Variants in MINDY4 observed in about 807,000 individuals in gnomAD.
MINDY4 encodes probable ubiquitin carboxyl-terminal hydrolase MINDY-4.
In MINDY4, 68 loss-of-function variants were observed where a neutral mutation model predicts 87.0. The ratio of observed to expected loss-of-function variants is 0.78; its 90% CI spans 0.64 to 0.96. The LOEUF is 0.96. Ranked by LOEUF, MINDY4 falls within the 40% of genes least tolerant of loss-of-function variation. The pLI is 0.00. For synonymous variants in MINDY4, 379 were observed against 363.2 expected, an observed-to-expected ratio of 1.04 and a Z score of -0.50; for missense variants, 919 against 928.2, an observed-to-expected ratio of 0.99 and a Z score of 0.13.
chr7:30,783,511 C>G (rs1021800388), intron 3 of MINDY4, among the ~76,000 whole-genome samples: 6 of 152,126 alleles, frequency 3.9e-5, no homozygotes, highest in Non-Finnish European at 5.9e-5. Context: ...TATTTATATC[C>G]TACTGCTCAA....
chr7:30,859,269 C>T lies in MINDY4; in HGVS notation c.1690C>T (p.Pro564Ser), dbSNP rs1789677129. The change falls in exon 13 of 18, where the codon CCC becomes TCC. Residue 564 changes from proline (P) to serine (S), a missense_variant. By Grantham distance (74) the Pro-to-Ser change is moderately conservative (BLOSUM62 -1). Coordinates refer to ENST00000265299, the MANE Select transcript of MINDY4 (RefSeq NM_032222.3). Reference sequence around the variant, plus strand: ...CTCCCCCTCCCAGTTTGAAGTGGGCCCCTATGGCTGCATCCTGCTCACCCT... The same window carrying T: ...CTCCCCCTCCCAGTTTGAAGTGGGCTCCTATGGCTGCATCCTGCTCACCCT... ...QQSIHQFEVG[P>S]YGCILLTLSA... 6.2e-7 allele frequency: 1 copy of T among 1,614,090 alleles called. No individual in the cohort carries two copies. The highest frequency in any genetic ancestry group is 8.5e-7 in the Non-Finnish European group (1 of 1,180,002).
At chr7:30,861,225 T>TA (rs1789754185) in intron 13 of MINDY4, among the ~76,000 whole-genome samples, 1 of 152,164 alleles carries the variant, frequency 6.6e-6, no homozygotes, top group Non-Finnish European at 1.5e-5. Context: ...GGCTTTGTCT[T>TA]ACACTGTGGC....
chr7:30,862,467 C>T (rs1380556381), intron 13 of MINDY4, among the ~76,000 whole-genome samples: 1 of 152,238 alleles, frequency 6.6e-6, no homozygotes, highest in Non-Finnish European at 1.5e-5. Flanking sequence ...CAGCGGCGCT[C>T]CCTGCATCCC....
chr7:30,884,705 C>G (rs1790577777), intron 17 of MINDY4, among the ~76,000 whole-genome samples: 2 of 152,224 alleles, frequency 1.3e-5, no homozygotes, highest in Admixed American at 1.3e-4. Flanking sequence ...TCTGGAGTAA[C>G]TCCTTTTTCT....
chr7:30,885,662 T>C (rs1026504687), intron 17 of MINDY4, among the ~76,000 whole-genome samples: 1 of 152,062 alleles, frequency 6.6e-6, no homozygotes, highest in African/African-American at 2.4e-5. Context: ...CTGATGCTGC[T>C]GGTCCCAGGA....
intron 9 of MINDY4, among the ~76,000 whole-genome samples, chr7:30,847,478 G>A (rs944061629): frequency 6.6e-6 from 1 of 152,134 alleles, no homozygotes; most frequent in East Asian, 1.9e-4. Context: ...AGGTGCCCAC[G>A]GCAGTTGGTT....
At chr7:30,891,779 C>T (rs1362507439) in intron 17 of MINDY4, among the ~76,000 whole-genome samples, 178 bp from the exon 18 acceptor site, 1 of 152,106 alleles carries the variant, frequency 6.6e-6, no homozygotes, top group African/African-American at 2.4e-5. Context: ...ATTTGTGTTT[C>T]GTAAGAGACT....
chr7:30,794,537 C>A (rs1301119655), intron 5 of MINDY4, among the ~76,000 whole-genome samples: 6 of 152,132 alleles, frequency 3.9e-5, no homozygotes, highest in African/African-American at 1.4e-4. Flanking sequence ...GAGGATGCAA[C>A]CTGCTGAGAT....
At chr7:30,881,636 C>G (rs950565969) in intron 15 of MINDY4, among the ~76,000 whole-genome samples, 3 of 152,194 alleles carry the variant, frequency 2.0e-5, no homozygotes, top group Non-Finnish European at 2.9e-5. Flanking sequence ...GGCAGAGGTG[C>G]TGCGGCTGAG....
chr7:30,888,648 G>A (rs1036802885), intron 17 of MINDY4, among the ~76,000 whole-genome samples: 9 of 152,248 alleles, frequency 5.9e-5, no homozygotes, highest in Admixed American at 3.3e-4. Context: ...CATTCCAATC[G>A]GGGAACGATT....
At chr7:30,847,360 G>A (rs1789252973) in intron 9 of MINDY4, among the ~76,000 whole-genome samples, 1 of 152,214 alleles carries the variant, frequency 6.6e-6, no homozygotes, top group South Asian at 2.1e-4. Flanking sequence ...TGTAAGCAGA[G>A]CCTGTAGGAT....
intron 7 of MINDY4, among the ~76,000 whole-genome samples, chr7:30,837,468 C>G (rs554222383): frequency 7.2e-5 from 11 of 152,338 alleles, no homozygotes; most frequent in African/African-American, 2.6e-4. Flanking sequence ...ACTCAGCATA[C>G]AAATCAAAGA....
At chr7:30,842,889 G>C (rs946627508) in intron 9 of MINDY4, among the ~76,000 whole-genome samples, 1 of 152,172 alleles carries the variant, frequency 6.6e-6, no homozygotes, top group East Asian at 1.9e-4. Flanking sequence ...CGCTGTGCCT[G>C]CTGGCTCCTC....
At chr7:30,867,773 C>T (rs1297770527) in intron 13 of MINDY4, among the ~76,000 whole-genome samples, 2 of 152,160 alleles carry the variant, frequency 1.3e-5, no homozygotes, top group Non-Finnish European at 2.9e-5. Flanking sequence ...GACAGGGATC[C>T]TCCAGGGCCT....
intron 5 of MINDY4, among the ~76,000 whole-genome samples, chr7:30,792,663 T>A (rs1347662674): frequency 6.6e-6 from 1 of 152,202 alleles, no homozygotes; most frequent in Non-Finnish European, 1.5e-5. Context: ...AATTATATTA[T>A]CCTCTTATTA....
chr7:30,808,574 T>C (rs556250784), intron 5 of MINDY4, among the ~76,000 whole-genome samples: 10 of 152,214 alleles, frequency 6.6e-5, no homozygotes, highest in African/African-American at 2.2e-4. Context: ...CACTAGGAAC[T>C]ATGCTGAAAA....
intron 12 of MINDY4, among the ~76,000 whole-genome samples, chr7:30,856,756 A>G (rs569669933): frequency 6.6e-6 from 1 of 151,824 alleles, no homozygotes; most frequent in Admixed American, 6.5e-5. Context: ...TAGGCTTTCT[A>G]TGGAAAGGGA....
chr7:30,831,315 A>G (rs1163560398), intron 6 of MINDY4, among the ~76,000 whole-genome samples: 1 of 151,802 alleles, frequency 6.6e-6, no homozygotes, highest in Non-Finnish European at 1.5e-5. Context: ...TTATGTTGTA[A>G]TTTTTCAGGG....
At chr7:30,887,111 G>T (rs1161724926) in intron 17 of MINDY4, among the ~76,000 whole-genome samples, 1 of 152,194 alleles carries the variant, frequency 6.6e-6, no homozygotes, top group East Asian at 1.9e-4. Flanking sequence ...GAGGGGCAGA[G>T]GCAGAGCCCC....
Sources: gnomAD v4.1 joint callset for allele counts (sites outside exome capture counted in the v4.1 genomes callset) on GRCh38, gnomAD v4.1.1 for gene constraint, MANE v1.5 for transcripts, NCBI Gene and HGNC (gene_info 2026-07-23, HGNC 2026-07-21) for gene names.